Variants in SMAGP observed in about 807,000 individuals in gnomAD.
SMAGP encodes the protein small cell transmembrane and glycosylated protein.
In SMAGP, 7 loss-of-function variants were observed where a neutral mutation model predicts 10.1. That is an observed-to-expected ratio of 0.70 (90% CI 0.40 to 1.31). The LOEUF (loss-of-function observed/expected upper bound fraction) is 1.31, where lower values mean the gene tolerates loss of function less well. SMAGP is among the 50% of genes most tolerant of loss of function. The pLI is 0.01. For synonymous variants in SMAGP, 49 were observed against 47.2 expected (o/e 1.04, Z -0.16); for missense variants, 113 against 116.5 (o/e 0.97, Z 0.14).
chr12:51,248,432 ACACTCTCTCTCT>A (rs1457784023), intron 2 of SMAGP, among the ~76,000 whole-genome samples: 1,421 of 48,606 alleles, frequency 0.029, 9 homozygotes, highest in South Asian at 0.045. Flanking sequence ...ACACACACAC[ACACTCTCTCTCT>A]CTCTCTCTCT....
Position 51,269,518 on chromosome 12 carries a change from C to G in SMAGP, c.-38-202G>C, listed in dbSNP as rs1023894511. 7.3e-6 allele frequency: 4 copies of G among 548,852 alleles called. No individual in the cohort carries two copies. The East Asian group carries it at 1.2e-4, about 17-fold the overall frequency. 34.0% of individuals were successfully genotyped at this position (548,852 alleles called of 1,614,324 possible). On this transcript the variant is annotated intron_variant, in intron 1 of 3. Transcript: ENST00000603798. ...ACAGGAGCAGGTCTGAGGCCGCATG[C>G]AGTTTGACGGGGTGTTACCTTCATA...
intron 2 of SMAGP, among the ~76,000 whole-genome samples, chr12:51,268,612 A>T (rs1042621040): frequency 2.5e-5 from 1 of 40,438 alleles, no homozygotes; most frequent in African/African-American, 7.0e-5. Flanking sequence ...ATTTTTTGAG[A>T]CCGGTCTCAC....
chr12:51,260,520 G>A (rs1944922970), intron 2 of SMAGP, among the ~76,000 whole-genome samples: 1 of 151,442 alleles, frequency 6.6e-6, no homozygotes, highest in Non-Finnish European at 1.5e-5. Flanking sequence ...GGGACTACAG[G>A]TGCCCGCCAC....
At position 51,246,054 on chromosome 12, in the gene SMAGP, T is replaced by C. The variant is rs917810070; in HGVS notation, c.181A>G (p.Lys61Glu). 6 of 1,613,866 alleles carry C rather than the reference T, an allele frequency of 3.7e-6. No homozygotes were observed. Among genetic ancestry groups the C allele is most frequent in the South Asian group, 1.1e-5 (1 of 91,092 alleles). The stretch of plus-strand genomic sequence containing the variant: ...TAGGTGACGTAGCTGCCTTTGTTCT[T>C]GTACAGGTAAAAGAAGATCAAGATC... ...VVILIFFYLY[K>E]NKGSYVTYEP... The change falls in exon 4 of 4, where the codon AAG (lysine) becomes GAG (glutamate). Residue 61 changes from lysine to glutamate, a missense_variant. Lys to Glu is a moderately conservative substitution (Grantham distance 56, BLOSUM62 1). Coordinates refer to ENST00000603798, the MANE Select transcript of SMAGP (RefSeq NM_001031628.2).
In SMAGP at chr12:51,246,081, C is replaced by A. The variant is rs773626779; in HGVS notation, c.154G>T (p.Val52Leu). The change falls in exon 4 of 4, where the codon GTG becomes TTG. Residue 52 changes from valine to leucine, a missense_variant. Transcript: ENST00000603798. Reference sequence around the variant, plus strand: ...TACAGGTAAAAGAAGATCAAGATCACGACCGAGAGCAGGGTGAGGAAGACA... The same window carrying A: ...TACAGGTAAAAGAAGATCAAGATCAAGACCGAGAGCAGGGTGAGGAAGACA... ...TVVFLTLLSV[V>L]ILIFFYLYKN... 5.6e-6 allele frequency: 9 copies of A among 1,613,678 alleles called. No individual in the cohort carries two copies. The highest frequency in any genetic ancestry group is 2.7e-5 in the African/African-American group (2 of 74,856).
At chr12:51,267,472 C>T (rs539375001) in intron 2 of SMAGP, among the ~76,000 whole-genome samples, 1 of 146,988 alleles carries the variant, frequency 6.8e-6, no homozygotes, top group South Asian at 2.3e-4. Flanking sequence ...CTATTCCCCC[C>T]CCCCACTCCG....
At chr12:51,259,738 G>A (rs1236566115) in intron 2 of SMAGP, among the ~76,000 whole-genome samples, 1 of 152,106 alleles carries the variant, frequency 6.6e-6, no homozygotes, top group Non-Finnish European at 1.5e-5. Flanking sequence ...CTTAGAGACA[G>A]GGTCTTGTTC....
chr12:51,251,681 T>G (rs989064552), intron 2 of SMAGP: 4 of 152,156 alleles, frequency 2.6e-5, no homozygotes, highest in Non-Finnish European at 4.4e-5. Context: ...TTCTTTAACA[T>G]GAACTGGCTC....
rs201691474 is a variant in SMAGP at position 51,246,085 on chromosome 12, C to T, written c.150G>A (p.Ser50=). 6.0e-5 allele frequency: 97 copies of T among 1,613,756 alleles called. No individual in the cohort carries two copies. The African/African-American group carries it at 1.1e-3, about 18-fold the overall frequency. ...VITVVFLTLL[S]VVILIFFYLY... ...GGTAAAAGAAGATCAAGATCACGAC[C>T]GAGAGCAGGGTGAGGAAGACAACGG... Residue 50 remains serine (S), a synonymous_variant, in exon 4 of 4, where the codon TCG becomes TCA. Transcript: ENST00000603798.
chr12:51,262,121 T>A (rs1166016782), intron 2 of SMAGP, among the ~76,000 whole-genome samples: 4 of 151,618 alleles, frequency 2.6e-5, no homozygotes, highest in Non-Finnish European at 4.4e-5. Flanking sequence ...TAAATATGCA[T>A]ATATATGTTT....
At chr12:51,268,635 G>C (rs1320039131) in intron 2 of SMAGP, among the ~76,000 whole-genome samples, 1 of 127,668 alleles carries the variant, frequency 7.8e-6, no homozygotes, top group Non-Finnish European at 1.6e-5. Flanking sequence ...TGTTGCCCAG[G>C]CTGGAGTGCA....
intron 2 of SMAGP, among the ~76,000 whole-genome samples, chr12:51,261,769 A>C (rs1174239397): frequency 6.6e-6 from 1 of 152,148 alleles, no homozygotes; most frequent in African/African-American, 2.4e-5. Context: ...CATACTTAGA[A>C]TGTCTATCTG....
chr12:51,250,656 A>AT (rs1262090755), intron 2 of SMAGP, among the ~76,000 whole-genome samples: 1 of 152,130 alleles, frequency 6.6e-6, no homozygotes, highest in Non-Finnish European at 1.5e-5. Context: ...TGCTGGGATT[A>AT]TAAGCGTGTG....
intron 2 of SMAGP, among the ~76,000 whole-genome samples, chr12:51,248,426 A>ACTCTCTCT (rs1944801847): frequency 8.9e-6 from 1 of 112,238 alleles, no homozygotes; most frequent in African/African-American, 3.8e-5. Flanking sequence ...ACACACACAC[A>ACTCTCTCT]CACACACACT....
At chr12:51,270,068 G>T (rs1482569057) in intron 1 of SMAGP, 188 bp downstream of exon 1, 1 of 151,718 alleles carries the variant, frequency 6.6e-6, no homozygotes, top group African/African-American at 2.4e-5. Flanking sequence ...CCAGCACCCC[G>T]CGGAGCGCGC....
chr12:51,260,679 A>ATTTT (rs1162152346), intron 2 of SMAGP, among the ~76,000 whole-genome samples: 8 of 78,396 alleles, frequency 1.0e-4, no homozygotes, highest in Non-Finnish European at 1.6e-4. Context: ...CGCCCGGCCA[A>ATTTT]TTTTTTTTTT....
intron 2 of SMAGP, among the ~76,000 whole-genome samples, chr12:51,247,284 A>G (rs975480360): frequency 7.2e-5 from 11 of 152,214 alleles, no homozygotes; most frequent in Non-Finnish European, 1.3e-4. Context: ...GTATGTGTAT[A>G]TATTTACATT....
At chr12:51,257,478 G>A (rs1274363999) in intron 2 of SMAGP, among the ~76,000 whole-genome samples, 1 of 151,576 alleles carries the variant, frequency 6.6e-6, no homozygotes, top group East Asian at 2.0e-4. Flanking sequence ...GAGAGGCCGA[G>A]TGGGGAGAAT....
chr12:51,256,448 G>A (rs1466129646), intron 2 of SMAGP, among the ~76,000 whole-genome samples: 5 of 152,130 alleles, frequency 3.3e-5, no homozygotes, highest in African/African-American at 9.6e-5. Flanking sequence ...CAAGCCGGGC[G>A]CGGTGGCTCA....
Sources: gnomAD v4.1 joint callset for allele counts (sites outside exome capture counted in the v4.1 genomes callset) on GRCh38, gnomAD v4.1.1 for gene constraint, MANE v1.5 for transcripts, NCBI Gene and HGNC (gene_info 2026-07-23, HGNC 2026-07-21) for gene names.